PID1: variants seen among roughly 807,000 people sequenced by gnomAD.
PID1 encodes phosphotyrosine interaction domain containing 1, also known as PTB-containing, cubilin and LRP1-interacting protein.
In PID1, 10 loss-of-function variants were observed where a neutral mutation model predicts 19.1. The ratio of observed to expected loss-of-function variants is 0.52; its 90% CI spans 0.32 to 0.89. PID1 has a LOEUF of 0.89. PID1 is among the 40% of genes least tolerant of loss of function. PID1 has a pLI of 0.03. For synonymous variants in PID1, 130 were observed against 116.0 expected (o/e 1.12, Z -0.78); for missense variants, 248 against 285.3 (o/e 0.87, Z 0.94).
At chr2:229,178,613 A>T (rs2106216393) in intron 1 of PID1, among the ~76,000 whole-genome samples, 1 of 152,206 alleles carries the variant, frequency 6.6e-6, no homozygotes, top group South Asian at 2.1e-4. Context: ...AATAAGCCAC[A>T]ATAAAAAAAA....
Position 229,205,614 on chromosome 2 carries a change from T to C in PID1, c.31-49650A>G, listed in dbSNP as rs192006038. Among the ~76,000 whole-genome samples, 293 of 152,232 alleles carry C rather than the reference T, an allele frequency of 1.9e-3. 2 individuals carry two copies. Among genetic ancestry groups the C allele is most frequent in the African/African-American group, 6.4e-3 (266 of 41,548 alleles). On this transcript the variant is annotated intron_variant, in intron 1 of 2. Transcript: ENST00000392055. ...ACCCTAAAAAGATATTCTTTCTCCA[T>C]ATTATGTCAACAAAATGTAGAGTTA...
At chr2:229,174,730 A>C (rs1404572366) in intron 1 of PID1, among the ~76,000 whole-genome samples, 1 of 152,096 alleles carries the variant, frequency 6.6e-6, no homozygotes, top group Non-Finnish European at 1.5e-5. Context: ...GAAGAAAAAA[A>C]AAAAAAAAAG....
intron 2 of PID1, among the ~76,000 whole-genome samples, chr2:229,134,686 A>AT (rs919100355): frequency 1.7e-4 from 26 of 151,852 alleles, no homozygotes; most frequent in African/African-American, 5.1e-4. Context: ...GTATCACCTT[A>AT]TTTTTTTTTG....
chr2:229,140,186 TC>T, intron 2 of PID1, among the ~76,000 whole-genome samples: 1 of 152,274 alleles, frequency 6.6e-6, no homozygotes, highest in Non-Finnish European at 1.5e-5. Context: ...ATTTTTATCT[TC>T]AAAAATATGA....
At chr2:229,127,679 T>C (rs1430869863) in intron 2 of PID1, among the ~76,000 whole-genome samples, 1 of 152,200 alleles carries the variant, frequency 6.6e-6, no homozygotes, top group African/African-American at 2.4e-5. Flanking sequence ...ACCCACTAGA[T>C]GCCATTAATA....
At chr2:229,201,173 T>G (rs895351583) in intron 1 of PID1, among the ~76,000 whole-genome samples, 2 of 152,096 alleles carry the variant, frequency 1.3e-5, no homozygotes, top group African/African-American at 4.8e-5. Flanking sequence ...TACAGTTCAG[T>G]GGTATTAAGT....
At chr2:229,248,151 C>A (rs1690051557) in intron 1 of PID1, among the ~76,000 whole-genome samples, 1 of 152,212 alleles carries the variant, frequency 6.6e-6, no homozygotes, top group Non-Finnish European at 1.5e-5. Flanking sequence ...CACCAACTAA[C>A]TCAGTGAAGT....
At chr2:229,201,888 T>C (rs895702043) in intron 1 of PID1, among the ~76,000 whole-genome samples, 2 of 152,032 alleles carry the variant, frequency 1.3e-5, no homozygotes, top group Non-Finnish European at 2.9e-5. Context: ...ATATTCACTT[T>C]GGCTTCCATG....
intron 1 of PID1, among the ~76,000 whole-genome samples, chr2:229,256,779 A>G (rs577314733): frequency 3.9e-5 from 6 of 152,334 alleles, no homozygotes; most frequent in East Asian, 1.9e-4. Context: ...CTGACTCCCA[A>G]AGATGTGCCG....
intron 1 of PID1, chr2:229,227,914 A>T (rs1396016345): frequency 2.2e-6 from 1 of 453,654 alleles, no homozygotes; most frequent in African/African-American, 2.0e-5. Flanking sequence ...AATATACAGG[A>T]GGGTGTGCAT....
intron 1 of PID1, among the ~76,000 whole-genome samples, chr2:229,165,437 T>C (rs1225667595): frequency 6.6e-6 from 1 of 151,876 alleles, no homozygotes; most frequent in Non-Finnish European, 1.5e-5. Flanking sequence ...CCATCTTTAC[T>C]AAAATTACAA....
chr2:229,187,298 C>T (rs1409790707), intron 1 of PID1, among the ~76,000 whole-genome samples: 2 of 152,166 alleles, frequency 1.3e-5, no homozygotes, highest in African/African-American at 2.4e-5. Context: ...ACTCCTGGTA[C>T]CAATTTACTG....
intron 1 of PID1, among the ~76,000 whole-genome samples, chr2:229,159,387 T>C (rs1237119843): frequency 6.6e-6 from 1 of 152,222 alleles, no homozygotes. Context: ...TTAAAGTCCA[T>C]AATCAGTTGA....
At chr2:229,142,897 G>A (rs1397270505) in intron 2 of PID1, among the ~76,000 whole-genome samples, 92 of 151,284 alleles carry the variant, frequency 6.1e-4, no homozygotes, top group African/African-American at 1.8e-3. Flanking sequence ...ACATGCACAC[G>A]TATGTTTATT....
chr2:229,199,743 TATAC>T (rs1041494705), intron 1 of PID1, among the ~76,000 whole-genome samples: 2 of 132,364 alleles, frequency 1.5e-5, no homozygotes, highest in Non-Finnish European at 3.3e-5. Flanking sequence ...TATATATATA[TATAC>T]ACATACACAC....
intron 2 of PID1, among the ~76,000 whole-genome samples, chr2:229,145,707 G>C (rs778643789): frequency 6.6e-6 from 1 of 152,094 alleles, no homozygotes; most frequent in Non-Finnish European, 1.5e-5. Flanking sequence ...CACTGTCCCT[G>C]TGACAGTACC....
chr2:229,242,887 G>A (rs1274803789), intron 1 of PID1, among the ~76,000 whole-genome samples: 1 of 152,074 alleles, frequency 6.6e-6, no homozygotes, highest in African/African-American at 2.4e-5. Context: ...TCAGCCTCAT[G>A]TGATGTGCTC....
At chr2:229,260,062 G>A (rs2106290816) in intron 1 of PID1, among the ~76,000 whole-genome samples, 1 of 152,222 alleles carries the variant, frequency 6.6e-6, no homozygotes, top group South Asian at 2.1e-4. Context: ...TAAGACACTA[G>A]TGAACTATCT....
chr2:229,148,717 A>G (rs1490957738), intron 2 of PID1, among the ~76,000 whole-genome samples: 3 of 151,584 alleles, frequency 2.0e-5, no homozygotes, highest in African/African-American at 7.3e-5. Context: ...AAAAAAGGGG[A>G]GAAAGGAAAA....
Sources: gnomAD v4.1 joint callset for allele counts (sites outside exome capture counted in the v4.1 genomes callset) on GRCh38, gnomAD v4.1.1 for gene constraint, MANE v1.5 for transcripts, NCBI Gene and HGNC (gene_info 2026-07-23, HGNC 2026-07-21) for gene names.